Variants in ADCY8 observed in about 807,000 individuals in gnomAD.
ADCY8 encodes the protein adenylate cyclase type 8.
A neutral mutation model predicts 119.7 loss-of-function variants in ADCY8; 51 were observed. That is an observed-to-expected ratio of 0.43 (90% CI 0.34 to 0.54). The LOEUF (loss-of-function observed/expected upper bound fraction) is 0.54, where lower values mean the gene tolerates loss of function less well. ADCY8 is among the 20% of genes least tolerant of loss of function. The probability of loss-of-function intolerance (pLI) is 0.03; values close to 1 mark genes in which losing one functional copy is unlikely to be tolerated. For missense variants in ADCY8, 1,383 were observed against 1,598.8 expected (o/e 0.87, Z 2.30); for synonymous variants, 665 against 651.0 (o/e 1.02, Z -0.33).
chr8:130,780,553 C>G lies in ADCY8; in HGVS notation c.3593G>C (p.Gly1198Ala), dbSNP rs768440906. 1 of 1,613,988 alleles carries G rather than the reference C, an allele frequency of 6.2e-7. No individual in the cohort carries two copies. The change falls in exon 18 of 18, where the codon GGA becomes GCA. Residue 1198 changes from glycine to alanine, a missense_variant. Physicochemically the swap from Gly to Ala is moderately conservative, Grantham distance 60. Coordinates refer to ENST00000286355, the MANE Select transcript of ADCY8 (RefSeq NM_001115.3). ...GQYSLAAVVLGLVQSLNRQRQ... is the reference protein window; with the variant it reads ...GQYSLAAVVLALVQSLNRQRQ... ...TTGCCTATTGAGGGACTGGACAAGT[C>G]CCAGGACAACCGCGGCCAGGGAGTA...
chr8:130,941,020 A>T (rs1249069608), intron 4 of ADCY8, among the ~76,000 whole-genome samples: 3 of 152,378 alleles, frequency 2.0e-5, no homozygotes, highest in Middle Eastern at 3.4e-3. Flanking sequence ...TAATAAGCAG[A>T]AAAACTCAAT....
chr8:130,899,585 G>A (rs991461679), intron 7 of ADCY8, among the ~76,000 whole-genome samples: 2 of 151,466 alleles, frequency 1.3e-5, no homozygotes, highest in African/African-American at 4.9e-5. Flanking sequence ...CAGCCTGGGC[G>A]ACAGAGTGAA....
chr8:130,842,376 T>C (rs10090355), intron 11 of ADCY8, among the ~76,000 whole-genome samples: 32,815 of 152,138 alleles, frequency 0.22, 3,607 homozygotes, highest in Admixed American at 0.26. Flanking sequence ...CTCATCTTTC[T>C]CTTAGTCTTT....
At chr8:130,881,169 C>G (rs1430904733) in intron 8 of ADCY8, among the ~76,000 whole-genome samples, 2 of 152,246 alleles carry the variant, frequency 1.3e-5, no homozygotes, top group South Asian at 4.2e-4. Flanking sequence ...CAAAAAATAT[C>G]CTGAAAACAG....
rs1311396788 is a variant in ADCY8 at position 130,904,022 on chromosome 8, G to A, written c.1661C>T (p.Ala554Val). 6.2e-7 allele frequency: 1 copy of A among 1,612,910 alleles called. No homozygotes were observed. Among genetic ancestry groups the A allele is most frequent in the Non-Finnish European group, 8.5e-7 (1 of 1,179,160 alleles). The change falls in exon 7 of 18, where the codon GCC becomes GTC. Residue 554 changes from alanine (A) to valine (V), a missense_variant. Around this residue, in one of 2 missense-constraint regions of ADCY8, gnomAD observed 928 missense variants for 1,163.5 expected, o/e 0.80. Coordinates refer to ENST00000286355, the MANE Select transcript of ADCY8 (RefSeq NM_001115.3). ...GIPGRIHISK[A>V]TLDCLNGDYN... ...GTCACCGTTGAGACAGTCCAGCGTG[G>A]CTTTGGAAATGTGAATCCTCCTGTG... is the stretch of plus-strand genomic sequence containing the variant.
chr8:131,011,507 T>A (rs142484220), intron 1 of ADCY8, among the ~76,000 whole-genome samples: 1 of 152,140 alleles, frequency 6.6e-6, no homozygotes, highest in East Asian at 1.9e-4. Flanking sequence ...TCTCACCACA[T>A]TCTCAGTGCC....
intron 2 of ADCY8, among the ~76,000 whole-genome samples, chr8:130,965,697 A>C (rs976624919): frequency 9.8e-5 from 15 of 152,340 alleles, no homozygotes; most frequent in Admixed American, 9.8e-4. Context: ...ATTTGAATGT[A>C]AAATGGAAAT....
intron 14 of ADCY8, among the ~76,000 whole-genome samples, chr8:130,809,616 C>T (rs1453763571): frequency 3.9e-5 from 6 of 152,128 alleles, no homozygotes; most frequent in Non-Finnish European, 5.9e-5. Flanking sequence ...GAATTAGAAT[C>T]ATATTACAGT....
chr8:130,840,556 G>A (rs1817107595), intron 11 of ADCY8, among the ~76,000 whole-genome samples: 1 of 152,154 alleles, frequency 6.6e-6, no homozygotes, highest in African/African-American at 2.4e-5. Flanking sequence ...TTTTAAACTG[G>A]AAAGCAGGGT....
chr8:130,852,471 G>T (rs1238814042), intron 9 of ADCY8, among the ~76,000 whole-genome samples: 2 of 152,178 alleles, frequency 1.3e-5, no homozygotes, highest in Admixed American at 6.5e-5. Flanking sequence ...AAATGAAAGA[G>T]AATGCAGGCG....
intron 9 of ADCY8, among the ~76,000 whole-genome samples, chr8:130,854,525 A>G (rs1817642910): frequency 6.6e-6 from 1 of 152,344 alleles, no homozygotes; most frequent in Admixed American, 6.5e-5. Flanking sequence ...TTTAGAATCT[A>G]CAGACTCTAT....
At chr8:130,933,205 T>G (rs59930434) in intron 5 of ADCY8, among the ~76,000 whole-genome samples, 82,944 of 151,588 alleles carry the variant, frequency 0.55, 23,870 homozygotes, top group African/African-American at 0.73. Flanking sequence ...TAAACAAATG[T>G]TATATTAACA....
rs1241106420 is a variant in ADCY8, at chr8:130,937,198, C to T, written c.1356G>A (p.Glu452=). 1.9e-6 allele frequency: 3 copies of T among 1,613,156 alleles called. No individual in the cohort carries two copies. The highest frequency in any genetic ancestry group is 1.3e-5 in the African/African-American group (1 of 74,872). ...LFARFDRLAH[E]HHCLRIKILG... is the part of the protein sequence containing the mutation. ...GGATTTTAATACGAAGGCAGTGATG[C>T]TCCTGGAAGGAACAGGATAAGAGGG... is the stretch of plus-strand genomic sequence containing the variant. The change falls in exon 5 of 18, where the codon GAG becomes GAA. Residue 452 remains glutamate, a splice_region_variant and synonymous_variant. Transcript: ENST00000286355.
At chr8:130,967,701 G>A (rs1032320596) in intron 2 of ADCY8, among the ~76,000 whole-genome samples, 1 of 150,930 alleles carries the variant, frequency 6.6e-6, no homozygotes, top group Non-Finnish European at 1.5e-5. Flanking sequence ...ATATTTTGTT[G>A]TTTTTTTTTC....
chr8:130,840,364 C>T (rs1817103188), intron 11 of ADCY8, among the ~76,000 whole-genome samples: 1 of 137,828 alleles, frequency 7.3e-6, no homozygotes, highest in Non-Finnish European at 1.6e-5. Flanking sequence ...CATTGAGAGC[C>T]TACCATGTTT....
intron 11 of ADCY8, among the ~76,000 whole-genome samples, chr8:130,837,600 C>A (rs1182553026): frequency 6.6e-6 from 1 of 152,212 alleles, no homozygotes; most frequent in African/African-American, 2.4e-5. Flanking sequence ...TGTCAGTCTA[C>A]CCCACCAGAT....
chr8:130,918,831 C>A (rs750275216), intron 5 of ADCY8, among the ~76,000 whole-genome samples: 2 of 152,178 alleles, frequency 1.3e-5, no homozygotes. Context: ...AAGGCCAAGG[C>A]GGGCAGATCG....
chr8:130,891,816 A>G (rs917248080), intron 7 of ADCY8, among the ~76,000 whole-genome samples: 2 of 152,114 alleles, frequency 1.3e-5, no homozygotes, highest in African/African-American at 4.8e-5. Context: ...TTTCCTTCTT[A>G]TGGGAGTGGA....
chr8:131,025,964 C>T (rs1823810119), intron 1 of ADCY8, among the ~76,000 whole-genome samples: 1 of 152,200 alleles, frequency 6.6e-6, no homozygotes, highest in Admixed American at 6.5e-5. Flanking sequence ...TCTTTAATAG[C>T]AGGATCCTGG....
Sources: gnomAD v4.1 joint callset for allele counts (sites outside exome capture counted in the v4.1 genomes callset) on GRCh38, gnomAD v4.1.1 for gene constraint, gnomAD v4.1.1 regional missense constraint, MANE v1.5 for transcripts, NCBI Gene and HGNC (gene_info 2026-07-23, HGNC 2026-07-21) for gene names.